Variants in C14orf39 observed in about 807,000 individuals in gnomAD.
C14orf39 encodes chromosome 14 open reading frame 39.
A neutral mutation model predicts 85.6 loss-of-function variants in C14orf39; 66 were observed. The ratio of observed to expected loss-of-function variants is 0.77; its 90% CI spans 0.63 to 0.95. C14orf39 has a LOEUF of 0.95. Ranked by LOEUF, C14orf39 falls within the 40% of genes least tolerant of loss-of-function variation. The pLI, the probability that C14orf39 is intolerant of heterozygous loss-of-function variation, is 0.00. For synonymous variants in C14orf39, 242 were observed against 214.0 expected (o/e 1.13, Z -1.14); for missense variants, 735 against 663.9 (o/e 1.11, Z -1.18).
chr14:60,448,275 A>G (rs547468695), intron 16 of C14orf39, among the ~76,000 whole-genome samples: 1 of 152,200 alleles, frequency 6.6e-6, no homozygotes, highest in African/African-American at 2.4e-5. Flanking sequence ...AATGGGAGAA[A>G]ATTTTTGCAA....
chr14:60,446,420 C>T (rs567169840), intron 16 of C14orf39, among the ~76,000 whole-genome samples: 1 of 152,306 alleles, frequency 6.6e-6, no homozygotes, highest in East Asian at 1.9e-4. Context: ...ACTAAAAACA[C>T]CTCTATGCAA....
At chr14:60,451,813 G>A (rs944524078) in intron 16 of C14orf39, among the ~76,000 whole-genome samples, 1 of 151,664 alleles carries the variant, frequency 6.6e-6, no homozygotes, top group Non-Finnish European at 1.5e-5. Context: ...TTGTGCACAT[G>A]TACCCTAGAA....
In C14orf39 at chr14:60,492,853, C is replaced by G. The variant is rs563779809; in HGVS notation, c.-9+6443G>C. Among the ~76,000 whole-genome samples the G allele has an allele frequency of 3.3e-5, 5 of 152,258 alleles. No homozygotes were observed. In the South Asian group the frequency reaches 6.2e-4, roughly 19 times the overall value. On this transcript the variant is annotated intron_variant, in intron 2 of 5. Transcript: ENST00000556799. ...CACAGCCAGGACTTGCCTGTTCTAA[C>G]TTTGCAGCCTCCAAGAAATACTTAG...
At chr14:60,485,482 T>C (rs72720131) in intron 1 of C14orf39, among the ~76,000 whole-genome samples, 3,665 of 152,332 alleles carry the variant, frequency 0.024, 64 homozygotes, top group Non-Finnish European at 0.039. Flanking sequence ...CAACCACGTG[T>C]AGCAAAATTC....
At position 60,436,940 on chromosome 14, in the gene C14orf39, A is replaced by G. The variant is rs1233030492; in HGVS notation, c.1669T>C (p.Phe557Leu). The part of the protein sequence containing the change: ...GAGKDDFSFP[F>L]SFGQGQNSIP... ...GAATTTTGACCCTGTCCAAATGAAA[A>G]TGGAAAACTAAAATCATCTTTTCCA... Residue 557 changes from phenylalanine (F) to leucine (L), a missense_variant, in exon 18 of 18, where the codon TTT becomes CTT. Transcript: ENST00000321731. 2 of 1,612,904 alleles carry G rather than the reference A, an allele frequency of 1.2e-6. No individual in the cohort carries two copies.
At chr14:60,474,796 G>A (rs561674414) in intron 5 of C14orf39, among the ~76,000 whole-genome samples, 9 of 152,070 alleles carry the variant, frequency 5.9e-5, no homozygotes, top group South Asian at 2.1e-4. Flanking sequence ...TGCTGGATTC[G>A]GTTTGCCAGT....
chr14:60,472,398 C>CT (rs1300692175), intron 5 of C14orf39, among the ~76,000 whole-genome samples: 1 of 151,734 alleles, frequency 6.6e-6, no homozygotes, highest in African/African-American at 2.4e-5. Flanking sequence ...GGACATTAAC[C>CT]TTTTTTTCTT....
intron 1 of C14orf39, among the ~76,000 whole-genome samples, chr14:60,501,770 C>G (rs1893153232): frequency 6.6e-6 from 1 of 152,070 alleles, no homozygotes; most frequent in African/African-American, 2.4e-5. Flanking sequence ...TTCGAGAAAC[C>G]TAAGGCAGGC....
At chr14:60,509,054 C>T (rs1346707639) in intron 1 of C14orf39, 1 of 374,954 alleles carries the variant, frequency 2.7e-6, no homozygotes, top group Non-Finnish European at 4.9e-6. Context: ...CTGAAATAGT[C>T]CTGGCGTGCT....
chr14:60,510,006 C>G (rs1010002697), intron 1 of C14orf39: 25 of 1,553,234 alleles, frequency 1.6e-5, no homozygotes, highest in Non-Finnish European at 2.1e-5. Context: ...TTGAGCGCAC[C>G]GGGGAGGAGG....
intron 17 of C14orf39, among the ~76,000 whole-genome samples, chr14:60,440,647 G>A (rs375548093): frequency 2.0e-5 from 3 of 151,948 alleles, no homozygotes; most frequent in South Asian, 4.2e-4. Flanking sequence ...GATCATTTCA[G>A]TCCTTTACTT....
In C14orf39 at chr14:60,491,816, TTCTC is replaced by T. The variant is rs139438459; in HGVS notation, c.-8-6734_-8-6731del. On this transcript the variant is annotated intron_variant, in intron 2 of 5. Coordinates refer to the C14orf39 transcript ENST00000556799. This position sits in a 1 kb window ranked among gnomAD's most constrained non-coding sequence, Gnocchi z 4.5. ...AAATGTAAATATTCTCTCTCTCTTT[TTCTC>T]TCTCTCTCTCTCTCTCACACACACA... Among the ~76,000 whole-genome samples, 404 of 150,032 alleles carry T rather than the reference TTCTC, an allele frequency of 2.7e-3. 2 individuals are homozygous for T. Among genetic ancestry groups the T allele is most frequent in the African/African-American group, 9.1e-3 (374 of 41,038 alleles).
At chr14:60,455,195 G>A in intron 15 of C14orf39, 50 bp from the exon 16 acceptor site, 2 of 1,323,134 alleles carry the variant, frequency 1.5e-6, no homozygotes, top group South Asian at 1.4e-5. Flanking sequence ...ATTAAACACT[G>A]AATACTGGTA....
At chr14:60,468,619 T>C (rs1051651017) in intron 8 of C14orf39, 83 bp from the exon 9 acceptor site, 2 of 681,062 alleles carry the variant, frequency 2.9e-6, no homozygotes, top group Admixed American at 6.5e-5. Flanking sequence ...ATGTTTTTTC[T>C]ATATAATCAT....
chr14:60,480,781 T>C (rs1397663461), intron 4 of C14orf39, among the ~76,000 whole-genome samples: 1 of 151,710 alleles, frequency 6.6e-6, no homozygotes, highest in Non-Finnish European at 1.5e-5. Flanking sequence ...TGAAAAAAAG[T>C]AGGAAATTCT....
At chr14:60,514,245 G>A (rs10142455) in intron 1 of C14orf39, among the ~76,000 whole-genome samples, 130,867 of 152,112 alleles carry the variant, frequency 0.86, 56,970 homozygotes, top group Non-Finnish European at 0.92. Flanking sequence ...GGGAAAAAAA[G>A]TCCAGGTAAT....
At chr14:60,440,677 C>A (rs1235384081) in intron 17 of C14orf39, among the ~76,000 whole-genome samples, 1 of 152,142 alleles carries the variant, frequency 6.6e-6, no homozygotes, top group Non-Finnish European at 1.5e-5. Flanking sequence ...CAGAGGTTTC[C>A]CATTTCACTC....
chr14:60,510,995 C>T, intron 1 of C14orf39: 1 of 1,375,840 alleles, frequency 7.3e-7, no homozygotes, highest in Non-Finnish European at 1.0e-6. Flanking sequence ...CCTCTAGCCG[C>T]CGGGCTGGAG....
At chr14:60,510,817 T>G (rs570504249) in intron 1 of C14orf39, among the ~76,000 whole-genome samples, 1 of 152,362 alleles carries the variant, frequency 6.6e-6, no homozygotes, top group South Asian at 2.1e-4. Flanking sequence ...GGGAGGACAC[T>G]GCAAGCCCAG....
Sources: allele counts gnomAD v4.1 joint callset (sites outside exome capture counted in the v4.1 genomes callset), GRCh38; gene constraint gnomAD v4.1.1; non-coding constraint Gnocchi (gnomAD v3.1); transcripts MANE v1.5; gene names NCBI Gene and HGNC (gene_info 2026-07-23, HGNC 2026-07-21).